CLMN: variants seen among roughly 807,000 people sequenced by gnomAD.
CLMN encodes calmin (calponin-like, transmembrane).
A neutral mutation model predicts 92.7 loss-of-function variants in CLMN; 57 were observed. The observed-to-expected ratio is 0.61, with a 90% CI of 0.50 to 0.77. The LOEUF is 0.77. CLMN is among the 30% of genes least tolerant of loss of function. The pLI is 0.00. For synonymous variants in CLMN, 466 were observed against 470.6 expected (o/e 0.99, Z 0.13); for missense variants, 1,158 against 1,237.5 (o/e 0.94, Z 0.96).
At position 95,265,410 on chromosome 14, in the gene CLMN, C is replaced by T. The variant is rs138748806; in HGVS notation, c.83-35277G>A. Among the ~76,000 whole-genome samples, 127 of 152,322 alleles carry T rather than the reference C, an allele frequency of 8.3e-4. 2 individuals carry two copies. The highest frequency in any genetic ancestry group is 2.9e-3 in the African/African-American group (119 of 41,570). ...AGACTTAAACTGCAACTTTTCCTTG[C>T]GTCTCCAGCCTGCTGACCTACCTTA... On this transcript the variant is annotated intron_variant, in intron 1 of 12. Coordinates refer to ENST00000298912, the MANE Select transcript of CLMN (RefSeq NM_024734.4).
chr14:95,197,205 T>C (rs1381035552), intron 9 of CLMN, among the ~76,000 whole-genome samples: 2 of 151,446 alleles, frequency 1.3e-5, no homozygotes, highest in African/African-American at 2.4e-5. Context: ...GCCAAGATCA[T>C]GCCACTGCAC....
chr14:95,268,233 A>T (rs1361884801), intron 1 of CLMN, among the ~76,000 whole-genome samples: 3 of 152,244 alleles, frequency 2.0e-5, no homozygotes, highest in Non-Finnish European at 4.4e-5. Context: ...CGGTTTGATC[A>T]TTATACATTA....
At chr14:95,267,712 T>G (rs1899531344) in intron 1 of CLMN, among the ~76,000 whole-genome samples, 1 of 152,140 alleles carries the variant, frequency 6.6e-6, no homozygotes, top group Non-Finnish European at 1.5e-5. Flanking sequence ...CAAAGAAATA[T>G]CTACACTCTC....
chr14:95,267,778 C>T (rs1315363839), intron 1 of CLMN, among the ~76,000 whole-genome samples: 1 of 152,188 alleles, frequency 6.6e-6, no homozygotes, highest in Non-Finnish European at 1.5e-5. Flanking sequence ...CCTACGTGCC[C>T]ATCCACAGAT....
intron 1 of CLMN, among the ~76,000 whole-genome samples, chr14:95,248,011 T>C (rs1400702512): frequency 6.6e-6 from 1 of 152,116 alleles, no homozygotes; most frequent in East Asian, 1.9e-4. Flanking sequence ...ACTCTGCTAC[T>C]CTTAAAGTAA....
At chr14:95,231,193 CTTTTTT>C (rs59211402) in intron 1 of CLMN, among the ~76,000 whole-genome samples, 2 of 137,346 alleles carry the variant, frequency 1.5e-5, no homozygotes, top group Admixed American at 7.4e-5. Context: ...AATCCTCTAA[CTTTTTT>C]TTTTTTTTTT....
rs957165575 is a variant in CLMN, at chr14:95,294,305, A to C, written c.82+25406T>G. Among the ~76,000 whole-genome samples the C allele has an allele frequency of 6.6e-6, 1 of 152,264 alleles. No individual in the cohort carries two copies. Among genetic ancestry groups the C allele is most frequent in the African/African-American group, 2.4e-5 (1 of 41,474 alleles). On this transcript the variant is annotated intron_variant, in intron 1 of 12. Coordinates refer to ENST00000298912, the MANE Select transcript of CLMN (RefSeq NM_024734.4). The surrounding 1 kb of genome is among the most constrained non-coding windows in gnomAD (Gnocchi z 4.2). ...AATTTAACCAAGAAAACAGAACAGC[A>C]GAATTACAGTTAAGATCGCTGCAAT...
intron 3 of CLMN, chr14:95,222,723 G>C (rs1897586959): frequency 4.9e-6 from 2 of 406,150 alleles, no homozygotes; most frequent in South Asian, 3.7e-5. Context: ...ATACTGTTGA[G>C]AGTTCATCAC....
intron 1 of CLMN, among the ~76,000 whole-genome samples, chr14:95,271,407 C>T (rs1184092145): frequency 6.6e-6 from 1 of 152,208 alleles, no homozygotes; most frequent in Non-Finnish European, 1.5e-5. Context: ...AGAGAGGCCA[C>T]ATTCCTGAGA....
chr14:95,276,154 C>T (rs1413785660), intron 1 of CLMN, among the ~76,000 whole-genome samples: 1 of 152,120 alleles, frequency 6.6e-6, no homozygotes, highest in Non-Finnish European at 1.5e-5. Context: ...CAACTGCAGT[C>T]CCAATTAGCC....
At chr14:95,230,050 A>G (rs1897833901) in intron 2 of CLMN, 22 bp downstream of exon 2, 13 of 1,610,966 alleles carry the variant, frequency 8.1e-6, no homozygotes, top group Non-Finnish European at 1.0e-5. Flanking sequence ...ATCACTTAGC[A>G]AACACCCAAG....
In CLMN at chr14:95,210,743, T is replaced by A. The variant is rs761317870; in HGVS notation, c.745A>T (p.Lys249Ter). The change falls in exon 7 of 13, where the codon AAG becomes TAG. Residue 249 changes from lysine to a stop codon, truncating the protein, a stop_gained. Coordinates refer to ENST00000298912, the MANE Select transcript of CLMN (RefSeq NM_024734.4). LOFTEE classifies it high-confidence loss of function. ...LENSTRENLE[K>*]AFSIAQDALH... The stretch of plus-strand genomic sequence containing the variant: ...GCATCCTGTGCGATGCTGAAAGCCT[T>A]CTCTAGATTTTCTCGTGTGGAATTT... 6.2e-7 allele frequency: 1 copy of A among 1,609,884 alleles called. No individual in the cohort carries two copies. Among genetic ancestry groups the A allele is most frequent in the African/African-American group, 1.3e-5 (1 of 74,506 alleles).
chr14:95,303,600 T>G (rs150853202), intron 1 of CLMN, among the ~76,000 whole-genome samples: 86 of 152,322 alleles, frequency 5.6e-4, no homozygotes, highest in African/African-American at 1.9e-3. Context: ...AGCCATTAGG[T>G]GTGACCAATG....
chr14:95,315,348 C>A (rs1901717285), intron 1 of CLMN, among the ~76,000 whole-genome samples: 1 of 152,160 alleles, frequency 6.6e-6, no homozygotes, highest in African/African-American at 2.4e-5. Context: ...CTGCCCAGGC[C>A]CCCACTCTGC....
intron 1 of CLMN, among the ~76,000 whole-genome samples, chr14:95,282,161 A>G (rs1387289660): frequency 6.6e-6 from 1 of 152,252 alleles, no homozygotes; most frequent in Non-Finnish European, 1.5e-5. Context: ...AACACCATGT[A>G]CAAAAAGAAT....
chr14:95,279,573 G>A (rs543788862), intron 1 of CLMN, among the ~76,000 whole-genome samples: 2 of 152,370 alleles, frequency 1.3e-5, no homozygotes, highest in East Asian at 3.9e-4. Context: ...CATGAGGTCA[G>A]GAGATCGAGA....
At chr14:95,310,642 G>A (rs1390618415) in intron 1 of CLMN, among the ~76,000 whole-genome samples, 1 of 152,204 alleles carries the variant, frequency 6.6e-6, no homozygotes, top group Non-Finnish European at 1.5e-5. Flanking sequence ...ACCTCACTCA[G>A]GGCTCCACTC....
intron 9 of CLMN, among the ~76,000 whole-genome samples, chr14:95,201,461 A>G (rs1034648210): frequency 2.6e-5 from 4 of 151,434 alleles, no homozygotes; most frequent in Non-Finnish European, 5.9e-5. Flanking sequence ...TTAGTACACT[A>G]TTCTCAGTAC....
chr14:95,270,723 G>C (rs1660348957), intron 1 of CLMN, among the ~76,000 whole-genome samples: 1 of 152,110 alleles, frequency 6.6e-6, no homozygotes. Flanking sequence ...TAGATGTTGG[G>C]TTGCATCCAC....
Sources: gnomAD v4.1 joint callset for allele counts (sites outside exome capture counted in the v4.1 genomes callset) on GRCh38, gnomAD v4.1.1 for gene constraint, Gnocchi (gnomAD v3.1) non-coding constraint, MANE v1.5 for transcripts, NCBI Gene and HGNC (gene_info 2026-07-23, HGNC 2026-07-21) for gene names.